The following AZIN2 variants were observed in gnomAD, a reference collection of about 807,000 sequenced individuals.
The protein encoded by AZIN2 is antizyme inhibitor 2.
A neutral mutation model predicts 47.8 loss-of-function variants in AZIN2; 28 were observed. The ratio of observed to expected loss-of-function variants is 0.59; its 90% CI spans 0.43 to 0.80. The LOEUF (loss-of-function observed/expected upper bound fraction) is 0.80. AZIN2 is among the 30% of genes least tolerant of loss of function. AZIN2 has a pLI of 0.00. For missense variants in AZIN2, 535 were observed against 582.5 expected, an observed-to-expected ratio of 0.92 and a Z score of 0.84; for synonymous variants, 221 against 239.4, an observed-to-expected ratio of 0.92 and a Z score of 0.71.
chr1:33,140,384 C>T, the AZIN2 span, among the ~76,000 whole-genome samples: 1,450 of 152,286 alleles, frequency 9.5e-3, 15 homozygotes, highest in South Asian at 0.03. This position sits in a 1 kb window ranked among gnomAD's most constrained non-coding sequence, Gnocchi z 4.0. Context: ...CTCCCAGTGG[C>T]AAGAACAGTG....
At chr1:33,138,597 G>A in the AZIN2 span, among the ~76,000 whole-genome samples, 136 of 145,716 alleles carry the variant, frequency 9.3e-4, no homozygotes, top group African/African-American at 3.4e-3. Flanking sequence ...GGGTGACAGA[G>A]CGAGATCCTG....
the AZIN2 span, chr1:33,143,121 TATC>T: frequency 6.6e-6 from 1 of 152,204 alleles, no homozygotes; most frequent in Non-Finnish European, 1.5e-5. Flanking sequence ...GGGTTCATGA[TATC>T]AGCCTGACAA....
intron 10 of AZIN2, among the ~76,000 whole-genome samples, chr1:33,114,355 C>CTTTTT (rs59452990): frequency 8.6e-6 from 1 of 115,970 alleles, no homozygotes; most frequent in Non-Finnish European, 1.7e-5. Context: ...TTTTTCTTTT[C>CTTTTT]TTTTTTTTTT....
rs1398579517 is a variant in AZIN2, at chr1:33,088,924, C to A, written c.280-3126C>A. Among the ~76,000 whole-genome samples, 3 of 152,168 alleles carry A rather than the reference C, an allele frequency of 2.0e-5. 1 individual carries two copies. Among genetic ancestry groups the A allele is most frequent in the South Asian group, 2.1e-4 (1 of 4,834 alleles). ...TTATTCAGCGCTCATTTGGGACTGC[C>A]CTGCCTATCTTTCCCACCAACCTGA... On this transcript the variant is annotated intron_variant, in intron 5 of 11. Coordinates refer to ENST00000294517, the MANE Select transcript of AZIN2 (RefSeq NM_052998.4).
At chr1:33,087,875 C>T (rs1204863519) in intron 5 of AZIN2, among the ~76,000 whole-genome samples, 1 of 152,184 alleles carries the variant, frequency 6.6e-6, no homozygotes, top group East Asian at 1.9e-4. Context: ...TGAGACAGCT[C>T]CTTCCTGTCC....
intron 10 of AZIN2, among the ~76,000 whole-genome samples, chr1:33,110,102 G>A (rs1644221927): frequency 6.6e-6 from 1 of 152,180 alleles, no homozygotes; most frequent in African/African-American, 2.4e-5. Context: ...CCATTCTACA[G>A]AGAATGGCAG....
intron 10 of AZIN2, among the ~76,000 whole-genome samples, chr1:33,107,252 C>G (rs1447212208): frequency 6.6e-6 from 1 of 151,574 alleles, no homozygotes; most frequent in African/African-American, 2.4e-5. Flanking sequence ...CCACTGCACT[C>G]TAGCCTGGGC....
chr1:33,105,019 G>A (rs1643927961), intron 10 of AZIN2, among the ~76,000 whole-genome samples: 1 of 152,100 alleles, frequency 6.6e-6, no homozygotes, highest in African/African-American at 2.4e-5. Flanking sequence ...GTCTAGTCTT[G>A]CTAAGAATAA....
chr1:33,114,760 G>T (rs181819510), intron 10 of AZIN2, among the ~76,000 whole-genome samples: 1 of 147,626 alleles, frequency 6.8e-6, no homozygotes, highest in African/African-American at 2.5e-5. Flanking sequence ...AGGTTCAAGC[G>T]ATTCTTCTGC....
At chr1:33,147,789 G>A in the AZIN2 span, 3 of 1,547,726 alleles carry the variant, frequency 1.9e-6, no homozygotes, top group Admixed American at 5.5e-5. This position sits in a 1 kb window ranked among gnomAD's most constrained non-coding sequence, Gnocchi z 8.1. Context: ...CCACCATGCA[G>A]TGCCTTCCTG....
chr1:33,135,291 CAA>C, the AZIN2 span, among the ~76,000 whole-genome samples: 1 of 150,368 alleles, frequency 6.7e-6, no homozygotes, highest in Non-Finnish European at 1.5e-5. Context: ...CTCTCAAAAA[CAA>C]ACAAACAAAC....
chr1:33,097,449 C>T (rs1192631768), intron 9 of AZIN2, among the ~76,000 whole-genome samples: 1 of 152,172 alleles, frequency 6.6e-6, no homozygotes, highest in Non-Finnish European at 1.5e-5. Context: ...CATCAGTGCT[C>T]TTCCCTCCCC....
intron 8 of AZIN2, among the ~76,000 whole-genome samples, chr1:33,095,258 T>G (rs1643025404): frequency 6.6e-6 from 1 of 152,186 alleles, no homozygotes; most frequent in South Asian, 2.1e-4. Context: ...CTTACAGAAA[T>G]GATTTGGGAT....
At chr1:33,133,568 C>T in the AZIN2 span, among the ~76,000 whole-genome samples, 102 of 152,296 alleles carry the variant, frequency 6.7e-4, no homozygotes, top group South Asian at 3.3e-3. Context: ...AGAGCAGGGC[C>T]GGGATGGTGA....
chr1:33,166,602 G>T, the AZIN2 span, among the ~76,000 whole-genome samples: 7 of 152,150 alleles, frequency 4.6e-5, no homozygotes, highest in Admixed American at 2.0e-4. Flanking sequence ...GAGAGGTCAA[G>T]AAACTGGCCC....
intron 10 of AZIN2, among the ~76,000 whole-genome samples, chr1:33,099,628 G>A (rs1040355188): frequency 1.3e-5 from 2 of 152,050 alleles, no homozygotes; most frequent in African/African-American, 2.4e-5. Context: ...CCACTGCCAC[G>A]CCCCCCACCG....
the AZIN2 span, among the ~76,000 whole-genome samples, chr1:33,134,859 C>T: frequency 5.3e-5 from 8 of 152,200 alleles, no homozygotes; most frequent in African/African-American, 9.6e-5. Context: ...TCATTTCTTC[C>T]GTCTTCTACT....
chr1:33,098,252 TAATTTTTAAAA>T, intron 10 of AZIN2, 73 bp downstream of exon 10: 1 of 1,201,938 alleles, frequency 8.3e-7, no homozygotes. Flanking sequence ...TGTTTTTATC[TAATTTTTAAAA>T]AGTCAAACAT....
rs1184479195 is a variant in AZIN2, at chr1:33,083,346, G to A, written c.106-608G>A. On this transcript the variant is annotated intron_variant, in intron 4 of 11. Coordinates refer to ENST00000294517, the MANE Select transcript of AZIN2 (RefSeq NM_052998.4). Reference sequence around the variant, plus strand: ...TTTAAGTAATGTGGTCTCACCCACAGCCTCATACATGTTTGGCCTTTAGCA... The same window carrying A: ...TTTAAGTAATGTGGTCTCACCCACAACCTCATACATGTTTGGCCTTTAGCA... The A allele has an allele frequency of 2.5e-5, 4 of 160,880 alleles. No individual in the cohort carries two copies. In the East Asian group the frequency reaches 6.9e-4, roughly 28 times the overall value. The allele number at this position is 160,880 out of a possible 1,614,324, so 10.0% of individuals were successfully genotyped here. A position where few individuals can be genotyped will look rare whatever the true frequency, so the allele number is the denominator to read the frequency against.
Sources: gnomAD v4.1 joint callset for allele counts (sites outside exome capture counted in the v4.1 genomes callset) on GRCh38, gnomAD v4.1.1 for gene constraint, Gnocchi (gnomAD v3.1) non-coding constraint, MANE v1.5 for transcripts, NCBI Gene and HGNC (gene_info 2026-07-23, HGNC 2026-07-21) for gene names.